The following DLC1 variants were observed in gnomAD, a reference collection of about 807,000 sequenced individuals.
DLC1 encodes rho GTPase-activating protein 7.
A neutral mutation model predicts 140.3 loss-of-function variants in DLC1; 54 were observed. The observed-to-expected ratio is 0.38, with a 90% CI of 0.31 to 0.48. DLC1 has a LOEUF of 0.48. DLC1 is among the 20% of genes least tolerant of loss of function. DLC1 has a pLI of 0.96. For synonymous variants in DLC1, 986 were observed against 728.1 expected (o/e 1.35, Z -5.70); for missense variants, 2,536 against 1,907.0 (o/e 1.33, Z -6.14).
intron 1 of DLC1, among the ~76,000 whole-genome samples, chr8:13,527,459 T>A (rs1802951813): frequency 6.6e-6 from 1 of 152,184 alleles, no homozygotes; most frequent in Non-Finnish European, 1.5e-5. Context: ...ATTGTTATAC[T>A]ATCTTTTATA....
intron 5 of DLC1, among the ~76,000 whole-genome samples, chr8:13,291,022 C>G (rs1297610275): frequency 1.3e-5 from 2 of 152,212 alleles, no homozygotes; most frequent in Non-Finnish European, 2.9e-5. Flanking sequence ...ATTCTCCAGC[C>G]TCAGCCTCCC....
At chr8:13,219,939 T>C (rs1321867771) in intron 5 of DLC1, among the ~76,000 whole-genome samples, 1 of 152,160 alleles carries the variant, frequency 6.6e-6, no homozygotes, top group East Asian at 1.9e-4. Context: ...ACATACTGTC[T>C]TAATTCCACT....
At chr8:13,490,065 GTTGTGCT>G (rs1299102911) in intron 2 of DLC1, among the ~76,000 whole-genome samples, 1 of 152,030 alleles carries the variant, frequency 6.6e-6, no homozygotes, top group East Asian at 1.9e-4. Flanking sequence ...CCCACTTTAG[GTTGTGCT>G]TTTTTTCCTC....
chr8:13,310,866 T>C lies in DLC1; in HGVS notation c.1315-5564A>G, dbSNP rs556453689. On this transcript the variant is annotated intron_variant, in intron 4 of 17. Coordinates refer to ENST00000276297, the MANE Select transcript of DLC1 (RefSeq NM_182643.3). ...TTGATGGAGAGGGATTTAGAGATCATTCATTTGTGTTTCCCAATCTTCAGT... is the reference window on the plus strand; with the variant it reads ...TTGATGGAGAGGGATTTAGAGATCACTCATTTGTGTTTCCCAATCTTCAGT... 2.0e-5 allele frequency among the ~76,000 whole-genome samples: 3 copies of C among 152,324 alleles called. No homozygotes were observed. The South Asian group carries it at 6.2e-4, about 32-fold the overall frequency.
chr8:13,146,519 C>G (rs1026219225), intron 5 of DLC1, among the ~76,000 whole-genome samples: 4 of 151,478 alleles, frequency 2.6e-5, no homozygotes, highest in African/African-American at 9.7e-5. Context: ...TTTGTATTGT[C>G]AAAGCCAAAT....
intron 3 of DLC1, among the ~76,000 whole-genome samples, chr8:13,399,136 C>T (rs1036928620): frequency 3.3e-5 from 5 of 152,052 alleles, no homozygotes; most frequent in South Asian, 2.1e-4. Flanking sequence ...CCCAAGAGAC[C>T]GTCAACTTTC....
intron 4 of DLC1, among the ~76,000 whole-genome samples, chr8:13,373,136 G>A (rs1335702203): frequency 2.0e-5 from 3 of 152,128 alleles, no homozygotes; most frequent in African/African-American, 4.8e-5. Context: ...CGGCCTAGAT[G>A]TCCCAAAGTG....
chr8:13,154,230 G>C (rs1185370859), intron 5 of DLC1, among the ~76,000 whole-genome samples: 3 of 152,232 alleles, frequency 2.0e-5, no homozygotes, highest in Non-Finnish European at 4.4e-5. Flanking sequence ...CTCAGCCCTC[G>C]GGTGGTCACC....
Position 13,098,529 on chromosome 8 carries a change from G to A in DLC1, c.3037C>T (p.Leu1013Phe), listed in dbSNP as rs138719404. The change falls in exon 10 of 18, where the codon CTC becomes TTC. Residue 1013 changes from leucine to phenylalanine, a missense_variant. Transcript: ENST00000276297. Reference protein sequence around the residue: ...HSFQSSHRPSLNSVSLQINCQ... With the variant: ...HSFQSSHRPSFNSVSLQINCQ... ...TTAATCTGTAGTGATACAGAGTTGAGGCTTGGCCGATGTGAGCTCTGGAAA... is the reference window on the plus strand; with the variant it reads ...TTAATCTGTAGTGATACAGAGTTGAAGCTTGGCCGATGTGAGCTCTGGAAA... 1.2e-6 allele frequency: 2 copies of A among 1,614,246 alleles called. No individual in the cohort carries two copies. Among genetic ancestry groups the A allele is most frequent in the South Asian group, 2.2e-5 (2 of 91,084 alleles).
At chr8:13,289,824 C>G (rs1394436100) in intron 5 of DLC1, among the ~76,000 whole-genome samples, 1 of 152,080 alleles carries the variant, frequency 6.6e-6, no homozygotes, top group Non-Finnish European at 1.5e-5. Context: ...TTGTACAGCC[C>G]CATTCTCTTT....
intron 1 of DLC1, among the ~76,000 whole-genome samples, chr8:13,541,592 A>T (rs1803485602): frequency 6.6e-6 from 1 of 152,090 alleles, no homozygotes; most frequent in Admixed American, 6.5e-5. Context: ...CTCTGTCGCC[A>T]AGGCTGGTGT....
intron 5 of DLC1, among the ~76,000 whole-genome samples, chr8:13,126,384 C>CACACACACAA (rs1444877909): frequency 6.6e-6 from 1 of 151,962 alleles, no homozygotes; most frequent in African/African-American, 2.4e-5. Flanking sequence ...CACACACACA[C>CACACACACAA]ACACACACAC....
intron 1 of DLC1, among the ~76,000 whole-genome samples, chr8:13,504,414 C>T (rs755316291): frequency 7.2e-5 from 11 of 152,248 alleles, no homozygotes; most frequent in South Asian, 4.1e-4. Flanking sequence ...CGTGAGCCAC[C>T]GCGCCCGGCC....
intron 3 of DLC1, among the ~76,000 whole-genome samples, chr8:13,400,904 A>G (rs1837263940): frequency 6.6e-6 from 1 of 152,310 alleles, no homozygotes; most frequent in South Asian, 2.1e-4. Flanking sequence ...GAGTGTCTAT[A>G]TTATGTAAAA....
At chr8:13,476,324 G>A (rs1800431724) in intron 2 of DLC1, among the ~76,000 whole-genome samples, 1 of 152,160 alleles carries the variant, frequency 6.6e-6, no homozygotes, top group African/African-American at 2.4e-5. Context: ...AATCTGGATT[G>A]AGGTTTTGAA....
intron 5 of DLC1, among the ~76,000 whole-genome samples, chr8:13,285,897 G>T (rs951192444): frequency 6.6e-6 from 1 of 152,178 alleles, no homozygotes; most frequent in East Asian, 1.9e-4. Flanking sequence ...CTCAGTGCTT[G>T]CCAGAGGCTG....
chr8:13,407,870 C>T (rs911849822), intron 2 of DLC1, among the ~76,000 whole-genome samples: 1 of 152,202 alleles, frequency 6.6e-6, no homozygotes, highest in Non-Finnish European at 1.5e-5. Context: ...CTTTGGCCAG[C>T]TGGACTAGTG....
intron 2 of DLC1, among the ~76,000 whole-genome samples, chr8:13,452,768 G>T (rs537667457): frequency 2.0e-5 from 3 of 152,254 alleles, no homozygotes; most frequent in Admixed American, 6.5e-5. Flanking sequence ...TAGTTTCAGG[G>T]TTAGTTTAAG....
rs144670464 is a variant in DLC1, at chr8:13,474,539, C to G, written c.1023+24510G>C. Among the ~76,000 whole-genome samples the G allele has an allele frequency of 2.3e-3, 357 of 152,282 alleles. 2 individuals carry two copies. The highest frequency in any genetic ancestry group is 4.2e-3 in the Non-Finnish European group (287 of 68,028). ...CAGACCCCAGAATGGTAGATCCACCCACAACTTGCATCGTGTGCCTGGAGA... is the reference window on the plus strand; with the variant it reads ...CAGACCCCAGAATGGTAGATCCACCGACAACTTGCATCGTGTGCCTGGAGA... On this transcript the variant is annotated intron_variant, in intron 2 of 17. Coordinates refer to ENST00000276297, the MANE Select transcript of DLC1 (RefSeq NM_182643.3).
Sources: allele counts gnomAD v4.1 joint callset (sites outside exome capture counted in the v4.1 genomes callset), GRCh38; gene constraint gnomAD v4.1.1; transcripts MANE v1.5; gene names NCBI Gene and HGNC (gene_info 2026-07-23, HGNC 2026-07-21).